Variants in USB1 observed in about 807,000 individuals in gnomAD.
USB1 encodes U6 snRNA phosphodiesterase 1.
Under a neutral mutation model 29.9 loss-of-function variants are expected in USB1, and 21 were observed. The ratio of observed to expected loss-of-function variants is 0.70; its 90% CI spans 0.50 to 1.01. The LOEUF (loss-of-function observed/expected upper bound fraction) is 1.01. Among genes scored for constraint, USB1 ranks in the 50% least tolerant of loss-of-function variants. The pLI is 0.00. For missense variants in USB1, 330 were observed against 347.1 expected (o/e 0.95, Z 0.39); for synonymous variants, 143 against 134.9 (o/e 1.06, Z -0.42).
At position 58,002,513 on chromosome 16, in the gene USB1, GT is replaced by G. The variant is rs774728454; in HGVS notation, c.134del (p.Val45AspfsTer6). 1 of 1,614,054 alleles carries G rather than the reference GT, an allele frequency of 6.2e-7. No homozygotes were observed. Among genetic ancestry groups the G allele is most frequent in the African/African-American group, 1.3e-5 (1 of 75,024 alleles). On this transcript the variant is annotated frameshift_variant, in exon 2 of 7. Transcript: ENST00000219281. LOFTEE classifies it high-confidence loss of function. ...QSPLPRQRFP[V>X]PDSVLNMFPG... ...CCCCCTTCCCAGGCAGAGATTTCCA[GT>G]ACCTGACAGTGTGCTGAACATGTTC... is the stretch of plus-strand genomic sequence containing the variant.
chr16:58,008,067 G>A (rs998753020), intron 2 of USB1, among the ~76,000 whole-genome samples: 2 of 152,130 alleles, frequency 1.3e-5, no homozygotes, highest in African/African-American at 2.4e-5. Flanking sequence ...TTAGCAGATC[G>A]GGTCTTTCAA....
rs1963702932 is a variant in USB1, at chr16:58,020,128, C to A, written c.694-13C>A. 6.2e-7 allele frequency: 1 copy of A among 1,613,876 alleles called. No homozygotes were observed. Among genetic ancestry groups the A allele is most frequent in the South Asian group, 1.1e-5 (1 of 91,086 alleles). On this transcript the variant is annotated splice_polypyrimidine_tract_variant and intron_variant, in intron 6 of 6. Coordinates refer to ENST00000219281, the MANE Select transcript of USB1 (RefSeq NM_024598.4). ...CCTTAATGTGACTGTCCTCCCCTGGCTGCTGTTTTAAGGCAATCGTGGATG... is the reference window on the plus strand; with the variant it reads ...CCTTAATGTGACTGTCCTCCCCTGGATGCTGTTTTAAGGCAATCGTGGATG...
Position 58,001,531 on chromosome 16 carries a change from TGA to T in USB1, c.50_51del (p.Glu17ValfsTer30). The T allele has an allele frequency of 6.2e-7, 1 of 1,609,312 alleles. No individual in the cohort carries two copies. The highest frequency in any genetic ancestry group is 8.5e-7 in the Non-Finnish European group (1 of 1,178,336). On this transcript the variant is annotated frameshift_variant, in exon 1 of 7. Coordinates refer to ENST00000219281, the MANE Select transcript of USB1 (RefSeq NM_024598.4). LOFTEE classifies it high-confidence loss of function. The part of the protein sequence containing the change: ...VGYSSSGSED[E>X]SEDGMRTRPG... ...GCTACAGCAGCAGCGGCTCCGAGGA[TGA>T]GTCCGAGGACGGGATGCGGACCAGG...
chr16:58,003,512 A>G (rs1224523638), intron 2 of USB1, among the ~76,000 whole-genome samples: 1 of 152,166 alleles, frequency 6.6e-6, no homozygotes, highest in Non-Finnish European at 1.5e-5. Flanking sequence ...TTTTTGCCCA[A>G]AGGAGTTGCA....
At chr16:58,018,822 T>G in intron 5 of USB1, 150 bp from the exon 6 acceptor site, 1 of 762,744 alleles carries the variant, frequency 1.3e-6, no homozygotes, top group Non-Finnish European at 2.3e-6. Flanking sequence ...CTGTGGAGGG[T>G]GCTTGGGATC....
chr16:58,005,373 A>G (rs1383105164), intron 2 of USB1, among the ~76,000 whole-genome samples: 1 of 152,084 alleles, frequency 6.6e-6, no homozygotes, highest in Non-Finnish European at 1.5e-5. Flanking sequence ...CTACCGTTAG[A>G]CCACGGTCCA....
chr16:58,010,220 G>A, intron 3 of USB1, 108 bp downstream of exon 3: 2 of 1,363,846 alleles, frequency 1.5e-6, no homozygotes, highest in Admixed American at 3.8e-5. Context: ...CCTAAAGATA[G>A]AACACGGCCC....
At chr16:58,003,332 T>C (rs547675429) in intron 2 of USB1, among the ~76,000 whole-genome samples, 2 of 152,238 alleles carry the variant, frequency 1.3e-5, no homozygotes, top group South Asian at 4.2e-4. Context: ...GAGGCTGAGG[T>C]AGGCGGATTG....
upstream of USB1, chr16:58,001,382 G>A: frequency 1.4e-6 from 2 of 1,401,254 alleles, no homozygotes; most frequent in Non-Finnish European, 2.0e-6. Context: ...GGCGGTGCCA[G>A]CCCAGGCCCC....
intron 3 of USB1, chr16:58,010,524 A>G: frequency 3.5e-6 from 1 of 287,546 alleles, no homozygotes; most frequent in South Asian, 3.8e-5. Context: ...CAGTCCCACA[A>G]GACTGCGCTC....
intron 2 of USB1, among the ~76,000 whole-genome samples, chr16:58,004,110 G>C (rs759038969): frequency 6.6e-6 from 1 of 152,090 alleles, no homozygotes; most frequent in Non-Finnish European, 1.5e-5. Context: ...TGTCCATTTT[G>C]AGTTAATTTT....
intron 2 of USB1, among the ~76,000 whole-genome samples, chr16:58,009,419 C>T (rs1963438240): frequency 6.6e-6 from 1 of 152,098 alleles, no homozygotes; most frequent in Non-Finnish European, 1.5e-5. Context: ...GAGGGTAGAC[C>T]TTGTTAAGAA....
At chr16:58,016,194 C>T (rs1963611221) in intron 4 of USB1, 1 of 152,156 alleles carries the variant, frequency 6.6e-6, no homozygotes, top group Non-Finnish European at 1.5e-5. Context: ...ATTGGAGATA[C>T]ACTAGAGGCA....
intron 3 of USB1, 129 bp downstream of exon 3, chr16:58,010,241 G>A: frequency 8.7e-7 from 1 of 1,143,214 alleles, no homozygotes; most frequent in Admixed American, 2.0e-5. Context: ...CTCTCCTGGG[G>A]CTGCCTGCTC....
At chr16:58,012,370 GA>G (rs1427518830) in intron 3 of USB1, 3 of 1,512,652 alleles carry the variant, frequency 2.0e-6, no homozygotes, top group Non-Finnish European at 2.7e-6. Context: ...TTAAACCAAA[GA>G]GAAATTTATA....
intron 2 of USB1, among the ~76,000 whole-genome samples, chr16:58,005,208 A>G (rs1030154532): frequency 1.3e-5 from 2 of 152,070 alleles, no homozygotes; most frequent in East Asian, 3.9e-4. Flanking sequence ...TCACAGGGAG[A>G]TGGTTAGGCC....
In USB1 at chr16:58,010,804, T is replaced by C. The variant is rs28539959; in HGVS notation, c.449+692T>C. On this transcript the variant is annotated intron_variant, in intron 3 of 6. Transcript: ENST00000219281. ...CATGGGAGCTTCTGACCCTGTGGAGTTGGGAGTGAGCCACCCTCCCAGCAC... is the reference window on the plus strand; with the variant it reads ...CATGGGAGCTTCTGACCCTGTGGAGCTGGGAGTGAGCCACCCTCCCAGCAC... The C allele has an allele frequency of 7.7e-3, 4,436 of 572,484 alleles. 190 individuals carry two copies. Among genetic ancestry groups the C allele is most frequent in the African/African-American group, 0.074 (3,962 of 53,334 alleles). 35.5% of individuals were successfully genotyped at this position (572,484 alleles called of 1,614,324 possible). A position where few individuals can be genotyped will look rare whatever the true frequency, so the allele number is the denominator to read the frequency against.
Position 58,013,457 on chromosome 16 carries a change from G to A in USB1, c.450-816G>A, listed in dbSNP as rs1174567553. The A allele has an allele frequency of 5.1e-6, 5 of 985,446 alleles. No individual in the cohort carries two copies. Among genetic ancestry groups the A allele is most frequent in the Admixed American group, 6.1e-5 (1 of 16,268 alleles). The allele number at this position is 985,446 out of a possible 1,614,324, so 61.0% of individuals were successfully genotyped here. ...CCCTCAGATGGGGGTGAGACCCTTG[G>A]CCTGGGGGCTGTAAAATGATCTGTT... On this transcript the variant is annotated intron_variant, in intron 3 of 6. Transcript: ENST00000219281. The surrounding 1 kb of genome is among the most constrained non-coding windows in gnomAD (Gnocchi z 4.3).
chr16:58,014,238 C>A (rs9924482), intron 3 of USB1, 35 bp from the exon 4 acceptor site: 2 of 1,567,564 alleles, frequency 1.3e-6, no homozygotes, highest in African/African-American at 2.7e-5. Context: ...TTTTTTCTTA[C>A]GATTTTTCCT....
Sources: gnomAD v4.1 joint callset for allele counts (sites outside exome capture counted in the v4.1 genomes callset) on GRCh38, gnomAD v4.1.1 for gene constraint, Gnocchi (gnomAD v3.1) non-coding constraint, MANE v1.5 for transcripts, NCBI Gene and HGNC (gene_info 2026-07-23, HGNC 2026-07-21) for gene names.